The following KPNA4 variants were observed in gnomAD, a reference collection of about 807,000 sequenced individuals.
KPNA4 encodes the protein karyopherin subunit alpha 4.
A neutral mutation model predicts 71.3 loss-of-function variants in KPNA4; 13 were observed. That is an observed-to-expected ratio of 0.18 (90% CI 0.12 to 0.29). The LOEUF (loss-of-function observed/expected upper bound fraction) is 0.29, where lower values mean the gene tolerates loss of function less well. Ranked by LOEUF, KPNA4 falls within the 10% of genes least tolerant of loss-of-function variation. The pLI, the probability that KPNA4 is intolerant of heterozygous loss-of-function variation, is 1.00. For missense variants in KPNA4, 334 were observed against 603.2 expected (o/e 0.55, Z 4.67); for synonymous variants, 189 against 195.2 (o/e 0.97, Z 0.26).
rs780020814 is a variant in KPNA4, at chr3:160,565,207, A to G, written c.69+7T>C. On this transcript the variant is annotated splice_region_variant and intron_variant, in intron 1 of 16. Transcript: ENST00000334256. ...CCCCACCCCTCCGGCGTCGTCCCCG[A>G]GTTTACCTCCAAGTCGCGGCCTTTG... 1 of 1,602,678 alleles carries G rather than the reference A, an allele frequency of 6.2e-7. No homozygotes were observed. The highest frequency in any genetic ancestry group is 1.1e-5 in the South Asian group (1 of 89,432).
chr3:160,549,302 T>C (rs914142881), intron 1 of KPNA4, among the ~76,000 whole-genome samples: 5 of 152,202 alleles, frequency 3.3e-5, no homozygotes, highest in Admixed American at 2.0e-4. Context: ...GTTCCACTTG[T>C]CTATTTTTGC....
chr3:160,534,732 AAAAG>A (rs1721649825), intron 5 of KPNA4, among the ~76,000 whole-genome samples: 1 of 151,060 alleles, frequency 6.6e-6, no homozygotes, highest in African/African-American at 2.4e-5. Flanking sequence ...AAAAAAAAAA[AAAAG>A]AAATGTTCAA....
At chr3:160,512,835 A>C (rs1393855419) in intron 13 of KPNA4, among the ~76,000 whole-genome samples, 6 of 152,136 alleles carry the variant, frequency 3.9e-5, no homozygotes, top group Non-Finnish European at 7.4e-5. Flanking sequence ...CTAAAAAAAA[A>C]CAACAAAACA....
At chr3:160,563,728 A>T (rs531085496) in intron 1 of KPNA4, among the ~76,000 whole-genome samples, 144 of 152,316 alleles carry the variant, frequency 9.5e-4, no homozygotes, top group Non-Finnish European at 1.5e-3. Context: ...TTCTTTCATA[A>T]ACAAGTAAAT....
intron 10 of KPNA4, 99 bp from the exon 11 acceptor site, chr3:160,522,009 T>C (rs1721358604): frequency 1.1e-6 from 1 of 945,448 alleles, no homozygotes; most frequent in South Asian, 1.7e-5. Context: ...ACTACCTTCT[T>C]CCTTCTTTTC....
At chr3:160,554,258 TCA>T in intron 1 of KPNA4, among the ~76,000 whole-genome samples, 1 of 152,312 alleles carries the variant, frequency 6.6e-6, no homozygotes, top group East Asian at 1.9e-4. Flanking sequence ...AGTATACAAT[TCA>T]GTTATTTTAG....
chr3:160,520,128 AT>A (rs1472496396), intron 11 of KPNA4, among the ~76,000 whole-genome samples: 3 of 152,208 alleles, frequency 2.0e-5, no homozygotes, highest in Non-Finnish European at 4.4e-5. Context: ...AAAAAACAAA[AT>A]ACAAACCAAA....
chr3:160,561,398 T>C (rs1722243415), intron 1 of KPNA4, among the ~76,000 whole-genome samples: 1 of 152,076 alleles, frequency 6.6e-6, no homozygotes, highest in Non-Finnish European at 1.5e-5. Flanking sequence ...CCCTCTTTTC[T>C]ATGGTTACTA....
intron 1 of KPNA4, among the ~76,000 whole-genome samples, chr3:160,556,385 T>C (rs887774791): frequency 4.6e-5 from 7 of 152,234 alleles, no homozygotes; most frequent in African/African-American, 1.7e-4. Flanking sequence ...ACACCTGTTA[T>C]TTTCTTTTTA....
intron 1 of KPNA4, among the ~76,000 whole-genome samples, chr3:160,561,303 T>C (rs1722241001): frequency 6.6e-6 from 1 of 152,044 alleles, no homozygotes; most frequent in South Asian, 2.1e-4. Flanking sequence ...AAAACATAAA[T>C]TATATGAGCT....
intron 1 of KPNA4, among the ~76,000 whole-genome samples, chr3:160,557,701 C>A (rs756106707): frequency 1.0e-3 from 153 of 152,022 alleles, no homozygotes; most frequent in Non-Finnish European, 1.5e-3. Context: ...TGAGATGAGA[C>A]CTCATTCTTG....
intron 13 of KPNA4, among the ~76,000 whole-genome samples, chr3:160,510,459 A>G (rs980766800): frequency 6.6e-6 from 1 of 152,168 alleles, no homozygotes; most frequent in African/African-American, 2.4e-5. Flanking sequence ...AGTAAAAACA[A>G]CTAAAATTCT....
rs1721025591 is a variant in KPNA4, at chr3:160,508,264, A to G, written c.1215T>C (p.Ala405=). 6.3e-7 allele frequency: 1 copy of G among 1,594,708 alleles called. No homozygotes were observed. Among genetic ancestry groups the G allele is most frequent in the Admixed American group, 1.8e-5 (1 of 55,776 alleles). Residue 405 remains alanine, a synonymous_variant, in exon 15 of 17, where the codon GCT becomes GCC. Transcript: ENST00000334256. Reference sequence around the variant, plus strand: ...GGATAACATTTTGTTGGATAAGGTAAGCCACCTGAAGAATAAAAACAACAT... The same window carrying G: ...GGATAACATTTTGTTGGATAAGGTAGGCCACCTGAAGAATAAAAACAACAT... ...LTISGRKDQV[A]YLIQQNVIPP...
chr3:160,520,364 G>A (rs1721320331), intron 11 of KPNA4, among the ~76,000 whole-genome samples: 1 of 151,056 alleles, frequency 6.6e-6, no homozygotes, highest in East Asian at 1.9e-4. Context: ...TGATTCCCCT[G>A]CCTCAGCCTC....
At chr3:160,531,938 G>A (rs751228000) in intron 5 of KPNA4, among the ~76,000 whole-genome samples, 6 of 152,076 alleles carry the variant, frequency 3.9e-5, no homozygotes, top group African/African-American at 1.4e-4. Flanking sequence ...GATTACAGGC[G>A]TGCGCCACCA....
At chr3:160,516,616 CA>C (rs1721229996) in intron 11 of KPNA4, among the ~76,000 whole-genome samples, 1 of 151,786 alleles carries the variant, frequency 6.6e-6, no homozygotes, top group Admixed American at 6.6e-5. Context: ...CCTGTCTCTA[CA>C]AAATATTAGC....
At chr3:160,506,854 T>C (rs747549390) in intron 15 of KPNA4, among the ~76,000 whole-genome samples, 9 of 152,348 alleles carry the variant, frequency 5.9e-5, no homozygotes, top group Admixed American at 2.0e-4. Context: ...TGTTGCTCTA[T>C]GAGTCACTTT....
chr3:160,530,756 T>A, intron 7 of KPNA4, 99 bp downstream of exon 7: 1 of 773,174 alleles, frequency 1.3e-6, no homozygotes, highest in Non-Finnish European at 2.1e-6. Context: ...TAGCTATTAT[T>A]TTATAATTTA....
rs1291515277 is a variant in KPNA4 at position 160,497,613 on chromosome 3, T to C, written c.*4491A>G. Reference sequence around the variant, plus strand: ...GCATCAGTTTGTTAGTGTTTGGGAGTATTGCCTCAGATATCTGGGCAAAAT... The same window carrying C: ...GCATCAGTTTGTTAGTGTTTGGGAGCATTGCCTCAGATATCTGGGCAAAAT... On this transcript the variant is annotated 3_prime_UTR_variant, in exon 17 of 17. Coordinates refer to ENST00000334256, the MANE Select transcript of KPNA4 (RefSeq NM_002268.5). 6.6e-6 allele frequency: 1 copy of C among 152,128 alleles called. No individual in the cohort carries two copies. The highest frequency in any genetic ancestry group is 1.5e-5 in the Non-Finnish European group (1 of 68,042). The allele number at this position is 152,128 out of a possible 1,614,324, so 9.4% of individuals were successfully genotyped here.
Sources: allele counts gnomAD v4.1 joint callset (sites outside exome capture counted in the v4.1 genomes callset), GRCh38; gene constraint gnomAD v4.1.1; transcripts MANE v1.5; gene names NCBI Gene and HGNC (gene_info 2026-07-23, HGNC 2026-07-21).